The following ZNF677 variants were observed in gnomAD, a reference collection of about 807,000 sequenced individuals.
The protein encoded by ZNF677 is hypothetical protein MGC48625.
ZNF677 carries 5 observed loss-of-function variants against 8.1 expected under a neutral mutation model. The observed-to-expected ratio is 0.62, with a 90% CI of 0.32 to 1.29. The LOEUF is 1.29. Ranked by LOEUF, ZNF677 falls within the 50% of genes most tolerant of loss-of-function variation. The pLI is 0.05. For synonymous variants in ZNF677, 221 were observed against 225.6 expected (o/e 0.98, Z 0.18); for missense variants, 685 against 685.9 (o/e 1.00, Z 0.01).
At position 53,237,973 on chromosome 19, in the gene ZNF677, G is replaced by T; in HGVS notation, c.754C>A (p.Gln252Lys). Residue 252 changes from glutamine (Q) to lysine (K), a missense_variant, in exon 5 of 5, where the codon CAG becomes AAG. Transcript: ENST00000598513. ...KILKYPLLHT[Q>K]YGRTHIREKS... ...TCTCTAATGTGTGTTCTCCCATACTGTGTATGTAATAAAGGGTATTTCAAA... is the reference window on the plus strand; with the variant it reads ...TCTCTAATGTGTGTTCTCCCATACTTTGTATGTAATAAAGGGTATTTCAAA... The T allele has an allele frequency of 6.2e-7, 1 of 1,612,672 alleles. No homozygotes were observed. Among genetic ancestry groups the T allele is most frequent in the Non-Finnish European group, 8.5e-7 (1 of 1,179,880 alleles).
chr19:53,237,850 A>C lies in ZNF677; in HGVS notation c.877T>G (p.Cys293Gly). 6.2e-7 allele frequency: 1 copy of C among 1,613,444 alleles called. No homozygotes were observed. The highest frequency in any genetic ancestry group is 1.7e-4 in the Middle Eastern group (1 of 6,058). ...TTAAAGGCTTTGCCACACTCGTTACATTTGTAAGGTCTCTGTCCAGAGTGA... is the reference window on the plus strand; with the variant it reads ...TTAAAGGCTTTGCCACACTCGTTACCTTTGTAAGGTCTCTGTCCAGAGTGA... The part of the protein sequence containing the change: ...RIHSGQRPYK[C>G]NECGKAFNQC... Residue 293 changes from cysteine (C) to glycine (G), a missense_variant, in exon 5 of 5, where the codon TGT (cysteine) becomes GGT (glycine). Cys to Gly is a radical substitution (Grantham distance 159, BLOSUM62 -3). Coordinates refer to ENST00000598513, the MANE Select transcript of ZNF677 (RefSeq NM_182609.4).
intron 3 of ZNF677, among the ~76,000 whole-genome samples, chr19:53,248,385 G>T (rs1027723502): frequency 2.6e-5 from 4 of 152,148 alleles, no homozygotes; most frequent in African/African-American, 9.7e-5. Context: ...TTTTGTATTT[G>T]TACCTACGTA....
intron 3 of ZNF677, chr19:53,249,074 A>G (rs908995876): frequency 6.6e-6 from 1 of 152,176 alleles, no homozygotes; most frequent in African/African-American, 2.4e-5. Context: ...GAAACTTTAT[A>G]GTTGAAATTT....
At chr19:53,253,707 A>G (rs2091270341) in intron 1 of ZNF677, among the ~76,000 whole-genome samples, 1 of 152,084 alleles carries the variant, frequency 6.6e-6, no homozygotes, top group Non-Finnish European at 1.5e-5. Context: ...ATAAATAAAT[A>G]AAAGAAAGCA....
At chr19:53,246,331 C>A (rs1455425681) in intron 3 of ZNF677, among the ~76,000 whole-genome samples, 1 of 76,046 alleles carries the variant, frequency 1.3e-5, no homozygotes, top group Non-Finnish European at 2.7e-5. Flanking sequence ...AAAAAAGCGA[C>A]CATGATCTAG....
chr19:53,237,346 A>C lies in ZNF677; in HGVS notation c.1381T>G (p.Cys461Gly). Residue 461 changes from cysteine to glycine, a missense_variant, in exon 5 of 5, where the codon TGT becomes GGT. Coordinates refer to ENST00000598513, the MANE Select transcript of ZNF677 (RefSeq NM_182609.4). Reference protein sequence around the residue: ...RIHTGEKPYKCNKCDKAFIKR... With the variant: ...RIHTGEKPYKGNKCDKAFIKR... ...ATAAAAGCTTTATCACATTTATTAC[A>C]TTTGTAAGGTTTTTCTCCAGTGTGA... 6.2e-7 allele frequency: 1 copy of C among 1,613,784 alleles called. No individual in the cohort carries two copies. Among genetic ancestry groups the C allele is most frequent in the Non-Finnish European group, 8.5e-7 (1 of 1,179,946 alleles).
chr19:53,249,720 A>AAT (rs1555811564), intron 3 of ZNF677, among the ~76,000 whole-genome samples: 2 of 151,648 alleles, frequency 1.3e-5, no homozygotes, highest in African/African-American at 4.9e-5. Flanking sequence ...TATCATAAAA[A>AAT]ATATATATAT....
chr19:53,244,025 A>G lies in ZNF677; in HGVS notation c.16-128T>C, dbSNP rs917782648. The G allele has an allele frequency of 7.1e-6, 6 of 839,640 alleles. No homozygotes were observed. The Admixed American group carries it at 1.6e-4, about 23-fold the overall frequency. 52.0% of individuals were successfully genotyped at this position (839,640 alleles called of 1,614,324 possible). ...AATGCAAGCAACTTATATATCCCTA[A>G]TTTTATTTTTTTTAAACTGAGATGA... On this transcript the variant is annotated intron_variant, in intron 3 of 4. Coordinates refer to ENST00000598513, the MANE Select transcript of ZNF677 (RefSeq NM_182609.4).
chr19:53,238,729 A>G (rs2091004845), intron 4 of ZNF677, 172 bp from the exon 5 acceptor site: 1 of 508,272 alleles, frequency 2.0e-6, no homozygotes, highest in African/African-American at 2.0e-5. Context: ...TCCTCAATAA[A>G]GTAACACAGT....
intron 3 of ZNF677, among the ~76,000 whole-genome samples, chr19:53,247,574 T>C (rs1259811563): frequency 1.3e-5 from 2 of 152,200 alleles, no homozygotes; most frequent in Non-Finnish European, 2.9e-5. Flanking sequence ...CTATCCATTA[T>C]TAAACAGAGA....
At position 53,238,192 on chromosome 19, in the gene ZNF677, C is replaced by T; in HGVS notation, c.535G>A (p.Ala179Thr). 6.2e-7 allele frequency: 1 copy of T among 1,613,728 alleles called. No homozygotes were observed. Among genetic ancestry groups the T allele is most frequent in the Non-Finnish European group, 8.5e-7 (1 of 1,179,868 alleles). The change falls in exon 5 of 5, where the codon GCC becomes ACC. Residue 179 changes from alanine to threonine, a missense_variant. Transcript: ENST00000598513. ...AAACACTTCACGTATTTGTTTCCGG[C>T]ATACCTTATGTTATTTTTCAGTTTT... ...LLKLKNNIRY[A>T]GNKYVKCFEN...
rs761171391 is a variant in ZNF677 at position 53,237,085 on chromosome 19, GTATAT to G, written c.1637_1641del (p.Asn546ThrfsTer3). 7 of 1,613,704 alleles carry G rather than the reference GTATAT, an allele frequency of 4.3e-6. No homozygotes were observed. Among genetic ancestry groups the G allele is most frequent in the South Asian group, 1.1e-5 (1 of 90,956 alleles). Reference sequence around the variant, plus strand: ...GAACTTTGGAATAAAGCATTACCATGTATATTATGTTTACAATGTTTCTTTTCAAT... The same window carrying G: ...GAACTTTGGAATAAAGCATTACCATGTATGTTTACAATGTTTCTTTTCAAT... On this transcript the variant is annotated frameshift_variant, in exon 5 of 5. Transcript: ENST00000598513. LOFTEE classifies it low-confidence loss of function (END_TRUNC).
intron 3 of ZNF677, among the ~76,000 whole-genome samples, chr19:53,248,922 T>C (rs970178950): frequency 1.3e-5 from 2 of 152,226 alleles, no homozygotes; most frequent in Non-Finnish European, 1.5e-5. Flanking sequence ...AAAATTCTTA[T>C]TAAGCATACA....
chr19:53,254,751 G>A (rs544423639), intron 1 of ZNF677, 83 bp downstream of exon 1: 1 of 152,786 alleles, frequency 6.5e-6, no homozygotes, highest in East Asian at 1.9e-4. Flanking sequence ...TTAACCTACA[G>A]GGCGACCCCA....
intron 4 of ZNF677, chr19:53,240,831 G>T (rs1346019189): frequency 6.6e-6 from 1 of 151,946 alleles, no homozygotes; most frequent in African/African-American, 2.4e-5. Context: ...ATCGACTATG[G>T]ACTTTGGGTG....
chr19:53,235,953 C>CCAAGT lies in ZNF677; in HGVS notation c.*1018_*1019insACTTG, dbSNP rs1312807876. 1 of 152,346 alleles carries CCAAGT rather than the reference C, an allele frequency of 6.6e-6. No homozygotes were observed. Among genetic ancestry groups the CCAAGT allele is most frequent in the Non-Finnish European group, 1.5e-5 (1 of 68,172 alleles). The allele number at this position is 152,346 out of a possible 1,614,324, so 9.4% of individuals were successfully genotyped here. A position where few individuals can be genotyped will look rare whatever the true frequency, so the allele number is the denominator to read the frequency against. ...CCTGTAATCCCAGCACTTTGGGAGGCCAAGGCAGGTGGATCACCTGAGGTC... is the reference window on the plus strand; with the variant it reads ...CCTGTAATCCCAGCACTTTGGGAGGCCAAGTCAAGGCAGGTGGATCACCTGAGGTC... On this transcript the variant is annotated 3_prime_UTR_variant, in exon 5 of 5. Coordinates refer to ENST00000598513, the MANE Select transcript of ZNF677 (RefSeq NM_182609.4).
At chr19:53,241,280 T>A (rs1185041136) in intron 4 of ZNF677, 1 of 152,182 alleles carries the variant, frequency 6.6e-6, no homozygotes, top group African/African-American at 2.4e-5. Context: ...AAGAGTATCA[T>A]GAAAACATGT....
At chr19:53,240,156 T>C (rs1313972547) in intron 4 of ZNF677, 1 of 152,260 alleles carries the variant, frequency 6.6e-6, no homozygotes, top group Non-Finnish European at 1.5e-5. Context: ...GCAGGAGTCA[T>C]TCTTTACACA....
At chr19:53,251,721 C>T in intron 2 of ZNF677, 116 bp from the exon 3 acceptor site, 1 of 661,030 alleles carries the variant, frequency 1.5e-6, no homozygotes, top group South Asian at 2.1e-5. Flanking sequence ...CTTCCAATTG[C>T]AACAAGAGTG....
Sources: allele counts gnomAD v4.1 joint callset (sites outside exome capture counted in the v4.1 genomes callset), GRCh38; gene constraint gnomAD v4.1.1; transcripts MANE v1.5; gene names NCBI Gene and HGNC (gene_info 2026-07-23, HGNC 2026-07-21).